The following ZC2HC1A variants were observed in gnomAD, a reference collection of about 807,000 sequenced individuals.
The protein encoded by ZC2HC1A is zinc finger C2HC domain-containing protein 1A.
A neutral mutation model predicts 40.7 loss-of-function variants in ZC2HC1A; 28 were observed. The observed-to-expected ratio is 0.69, with a 90% CI of 0.51 to 0.94. The LOEUF is 0.94. ZC2HC1A is among the 40% of genes least tolerant of loss of function. ZC2HC1A has a pLI of 0.00. For missense variants in ZC2HC1A, 389 were observed against 386.3 expected (o/e 1.01, Z -0.06); for synonymous variants, 129 against 129.2 (o/e 1.00, Z 0.01).
chr8:78,713,288 AAATG>A (rs1472243208), intron 7 of ZC2HC1A, among the ~76,000 whole-genome samples: 2 of 152,148 alleles, frequency 1.3e-5, no homozygotes, highest in Non-Finnish European at 2.9e-5. Context: ...TACTAAAAAT[AAATG>A]ACAGGTATTT....
intron 8 of ZC2HC1A, among the ~76,000 whole-genome samples, chr8:78,716,348 C>G (rs1021447189): frequency 6.6e-6 from 1 of 151,880 alleles, no homozygotes; most frequent in Non-Finnish European, 1.5e-5. Flanking sequence ...TGGTCTTGAT[C>G]TCCTGACCTC....
chr8:78,689,816 T>C (rs1282025399), intron 5 of ZC2HC1A, among the ~76,000 whole-genome samples: 5 of 152,242 alleles, frequency 3.3e-5, no homozygotes, highest in Non-Finnish European at 5.9e-5. Flanking sequence ...AAAATGTGAT[T>C]AAGTCCAATT....
intron 4 of ZC2HC1A, 64 bp downstream of exon 4, chr8:78,686,672 A>C (rs1809986205): frequency 1.5e-6 from 2 of 1,378,248 alleles, no homozygotes; most frequent in Admixed American, 2.8e-5. Flanking sequence ...AGTTTTTATA[A>C]ATTTTCACTT....
chr8:78,702,452 T>C (rs1392133717), intron 7 of ZC2HC1A, among the ~76,000 whole-genome samples: 3 of 152,194 alleles, frequency 2.0e-5, no homozygotes, highest in Non-Finnish European at 4.4e-5. Flanking sequence ...TGGTTTTTCA[T>C]GTATCTTCTT....
At chr8:78,701,276 T>C (rs897762037) in intron 7 of ZC2HC1A, among the ~76,000 whole-genome samples, 1 of 152,244 alleles carries the variant, frequency 6.6e-6, no homozygotes, top group African/African-American at 2.4e-5. Flanking sequence ...AGTTTGTTCC[T>C]GATTTGGCTC....
In ZC2HC1A at chr8:78,692,700, C is replaced by T. The variant is rs188240625; in HGVS notation, c.504+3327C>T. On this transcript the variant is annotated intron_variant, in intron 5 of 8. Transcript: ENST00000263849. ...CTGTAGGATGGTTATATAGCCACTT[C>T]ACCCCTCCAACATTGAGCTTCTAAT... Among the ~76,000 whole-genome samples, 37 of 152,124 alleles carry T rather than the reference C, an allele frequency of 2.4e-4. No homozygotes were observed. The East Asian group carries it at 2.7e-3, about 11-fold the overall frequency.
intron 3 of ZC2HC1A, among the ~76,000 whole-genome samples, chr8:78,684,286 G>T (rs1809882672): frequency 1.3e-5 from 2 of 152,156 alleles, no homozygotes; most frequent in South Asian, 4.1e-4. Context: ...TCACGTGTCT[G>T]GGGAGGCCTC....
At chr8:78,696,404 T>C (rs62518982) in intron 5 of ZC2HC1A, among the ~76,000 whole-genome samples, 8,674 of 152,246 alleles carry the variant, frequency 0.057, 300 homozygotes, top group Middle Eastern at 0.082. Context: ...TATGCAAGTA[T>C]GATTTTCACC....
chr8:78,695,438 A>G (rs886371927), intron 5 of ZC2HC1A, among the ~76,000 whole-genome samples: 8 of 152,330 alleles, frequency 5.3e-5, no homozygotes, highest in African/African-American at 1.9e-4. Context: ...TTGACCTCTC[A>G]ATATGTAATA....
chr8:78,690,813 G>T lies in ZC2HC1A; in HGVS notation c.504+1440G>T, dbSNP rs188118863. Reference sequence around the variant, plus strand: ...ATTATATAGGTCATACACATGTTTTGTTAGATTTTCCAAGTATATCATGTA... The same window carrying T: ...ATTATATAGGTCATACACATGTTTTTTTAGATTTTCCAAGTATATCATGTA... On this transcript the variant is annotated intron_variant, in intron 5 of 8. Coordinates refer to ENST00000263849, the MANE Select transcript of ZC2HC1A (RefSeq NM_016010.3). Among the ~76,000 whole-genome samples, 60 of 152,182 alleles carry T rather than the reference G, an allele frequency of 3.9e-4. 1 individual carries two copies. In the South Asian group the frequency reaches 9.5e-3, roughly 24 times the overall value.
Position 78,718,636 on chromosome 8 carries a change from G to A in ZC2HC1A, c.*1143G>A, listed in dbSNP as rs936210730. 1 of 151,636 alleles carries A rather than the reference G, an allele frequency of 6.6e-6. No individual in the cohort carries two copies. The highest frequency in any genetic ancestry group is 1.5e-5 in the Non-Finnish European group (1 of 67,712). The allele number at this position is 151,636 out of a possible 1,614,324, so 9.4% of individuals were successfully genotyped here. ...ATTAAGGACCCACTGAAAATGTATT[G>A]TTTTAATGCATAATTGACTTACCTA... On this transcript the variant is annotated 3_prime_UTR_variant, in exon 9 of 9. Coordinates refer to ENST00000263849, the MANE Select transcript of ZC2HC1A (RefSeq NM_016010.3).
rs1053914383 is a variant in ZC2HC1A, at chr8:78,718,850, A to G, written c.*1357A>G. The G allele has an allele frequency of 6.6e-6, 1 of 151,550 alleles. No homozygotes were observed. Among genetic ancestry groups the G allele is most frequent in the Non-Finnish European group, 1.5e-5 (1 of 67,626 alleles). The allele number at this position is 151,550 out of a possible 1,614,324, so 9.4% of individuals were successfully genotyped here. On this transcript the variant is annotated 3_prime_UTR_variant, in exon 9 of 9. Transcript: ENST00000263849. ...GATCTTACTGTAAAGGTACAAACAAATCTCTTATATAATTCCTAGCTTTTT... is the reference window on the plus strand; with the variant it reads ...GATCTTACTGTAAAGGTACAAACAAGTCTCTTATATAATTCCTAGCTTTTT...
At chr8:78,678,424 A>G (rs1809654899) in intron 2 of ZC2HC1A, 139 bp from the exon 3 acceptor site, 1 of 653,924 alleles carries the variant, frequency 1.5e-6, no homozygotes, top group Non-Finnish European at 2.7e-6. Context: ...GGCAAGGTGT[A>G]TCTTATTTAT....
In ZC2HC1A at chr8:78,717,553, C is replaced by A. The variant is rs1586037704; in HGVS notation, c.*60C>A. 9 of 1,489,362 alleles carry A rather than the reference C, an allele frequency of 6.0e-6. No homozygotes were observed. The East Asian group carries it at 1.8e-4, about 30-fold the overall frequency. The allele number at this position is 1,489,362 out of a possible 1,614,324, so 92.3% of individuals were successfully genotyped here. A position where few individuals can be genotyped will look rare whatever the true frequency, so the allele number is the denominator to read the frequency against. On this transcript the variant is annotated 3_prime_UTR_variant, in exon 9 of 9. Coordinates refer to ENST00000263849, the MANE Select transcript of ZC2HC1A (RefSeq NM_016010.3). ...GAGTTTATGATTATTGCTGCTTGGA[C>A]AGCTAGAGCACATCCTCTAGTTAGT...
intron 7 of ZC2HC1A, among the ~76,000 whole-genome samples, chr8:78,709,334 A>C (rs1008802680): frequency 6.6e-6 from 1 of 152,212 alleles, no homozygotes; most frequent in African/African-American, 2.4e-5. Flanking sequence ...TTTTATATGA[A>C]TAGGAAACAT....
chr8:78,689,583 T>A (rs1810142069), intron 5 of ZC2HC1A, among the ~76,000 whole-genome samples: 1 of 152,026 alleles, frequency 6.6e-6, no homozygotes, highest in Non-Finnish European at 1.5e-5. Context: ...AAGGGGCAAT[T>A]GTTCCCTTTT....
At chr8:78,668,595 CTT>C (rs1563617011) in intron 1 of ZC2HC1A, among the ~76,000 whole-genome samples, 1 of 152,074 alleles carries the variant, frequency 6.6e-6, no homozygotes, top group Non-Finnish European at 1.5e-5. Context: ...TCTTCAGGGT[CTT>C]TATGCTTCTT....
At chr8:78,699,893 A>C (rs1486455977) in intron 7 of ZC2HC1A, among the ~76,000 whole-genome samples, 1 of 152,058 alleles carries the variant, frequency 6.6e-6, no homozygotes, top group East Asian at 1.9e-4. Flanking sequence ...GGTTGATTCC[A>C]TGTCTTCAGT....
intron 3 of ZC2HC1A, among the ~76,000 whole-genome samples, chr8:78,681,140 C>A (rs1396061798): frequency 6.6e-6 from 1 of 151,800 alleles, no homozygotes; most frequent in African/African-American, 2.4e-5. Context: ...CACAGAGACG[C>A]CTTATTTGCA....
Sources: gnomAD v4.1 joint callset for allele counts (sites outside exome capture counted in the v4.1 genomes callset) on GRCh38, gnomAD v4.1.1 for gene constraint, MANE v1.5 for transcripts, NCBI Gene and HGNC (gene_info 2026-07-23, HGNC 2026-07-21) for gene names.